FREM1: variants seen among roughly 807,000 people sequenced by gnomAD.
The protein encoded by FREM1 is FRAS1 related extracellular matrix 1.
A neutral mutation model predicts 210.1 loss-of-function variants in FREM1; 220 were observed. The ratio of observed to expected loss-of-function variants is 1.05; its 90% CI spans 0.94 to 1.17. The LOEUF is 1.17. Among genes scored for constraint, FREM1 ranks in the 50% most tolerant of loss-of-function variants. The pLI is 0.00. For synonymous variants in FREM1, 1,189 were observed against 980.2 expected, an observed-to-expected ratio of 1.21 and a Z score of -3.98; for missense variants, 3,454 against 2,675.5, an observed-to-expected ratio of 1.29 and a Z score of -6.42.
At chr9:14,800,517 A>G (rs1817068027) in intron 20 of FREM1, among the ~76,000 whole-genome samples, 1 of 152,248 alleles carries the variant, frequency 6.6e-6, no homozygotes, top group Non-Finnish European at 1.5e-5. Context: ...TTATCCCCTC[A>G]GAAAATAATG....
intron 6 of FREM1, 23 bp from the exon 7 acceptor site, chr9:14,848,796 G>T: frequency 7.0e-7 from 1 of 1,426,726 alleles, no homozygotes; most frequent in Non-Finnish European, 9.9e-7. Context: ...AGAGGCAAAG[G>T]AGCCACACAC....
intron 1 of FREM1, among the ~76,000 whole-genome samples, chr9:14,883,483 C>T (rs1200622459): frequency 1.3e-5 from 2 of 152,048 alleles, no homozygotes; most frequent in African/African-American, 4.8e-5. Context: ...AAATACTGCT[C>T]TTATTTTTGG....
intron 24 of FREM1, among the ~76,000 whole-genome samples, chr9:14,776,735 A>G (rs576893720): frequency 6.6e-6 from 1 of 152,208 alleles, no homozygotes. Flanking sequence ...TTAATAGCAG[A>G]TCACATTTCT....
In FREM1 at chr9:14,824,123, GA is replaced by G. The variant is rs1392341491; in HGVS notation, c.2079-9del. On this transcript the variant is annotated splice_polypyrimidine_tract_variant and intron_variant, in intron 11 of 36. Coordinates refer to ENST00000380880, the MANE Select transcript of FREM1 (RefSeq NM_001379081.2). ...TTCCCAGCATCCAAGTGTCTAAAGA[GA>G]AATACAGAGGAGCACATCAGCTCAT... The G allele has an allele frequency of 5.2e-6, 8 of 1,533,090 alleles. No homozygotes were observed. The highest frequency in any genetic ancestry group is 7.1e-6 in the Non-Finnish European group (8 of 1,123,162). The allele number at this position is 1,533,090 out of a possible 1,614,324, so 95.0% of individuals were successfully genotyped here. A position where few individuals can be genotyped will look rare whatever the true frequency, so the allele number is the denominator to read the frequency against.
chr9:14,794,667 G>C (rs976371866), intron 21 of FREM1, among the ~76,000 whole-genome samples: 1 of 152,174 alleles, frequency 6.6e-6, no homozygotes, highest in African/African-American at 2.4e-5. Flanking sequence ...AGATTTGGCG[G>C]GAAAGCCAAG....
intron 1 of FREM1, among the ~76,000 whole-genome samples, chr9:14,886,261 T>C (rs1372229492): frequency 6.6e-6 from 1 of 151,532 alleles, no homozygotes; most frequent in African/African-American, 2.4e-5. Context: ...GGCACACGCC[T>C]GTAAATCCCA....
At chr9:14,757,881 G>A (rs972888478) in intron 28 of FREM1, among the ~76,000 whole-genome samples, 42 of 152,270 alleles carry the variant, frequency 2.8e-4, no homozygotes, top group Admixed American at 1.4e-3. Context: ...CAATGCCAAG[G>A]CTCCTCTGGA....
At chr9:14,847,158 C>T (rs1231558598) in intron 7 of FREM1, among the ~76,000 whole-genome samples, 2 of 152,156 alleles carry the variant, frequency 1.3e-5, no homozygotes, top group African/African-American at 4.8e-5. Context: ...GACCTTTTCC[C>T]AACCCCACTT....
intron 1 of FREM1, among the ~76,000 whole-genome samples, chr9:14,902,649 C>A (rs1253953166): frequency 6.6e-6 from 1 of 152,282 alleles, no homozygotes; most frequent in East Asian, 1.9e-4. Context: ...GTCAAATCAG[C>A]ACCACAGAGG....
rs1027818054 is a variant in FREM1 at position 14,779,480 on chromosome 9, C to T, written c.4443-3277G>A. 5 of 985,198 alleles carry T rather than the reference C, an allele frequency of 5.1e-6. No homozygotes were observed. The African/African-American group carries it at 8.7e-5, about 17-fold the overall frequency. 61.0% of individuals were successfully genotyped at this position (985,198 alleles called of 1,614,324 possible). A position where few individuals can be genotyped will look rare whatever the true frequency, so the allele number is the denominator to read the frequency against. ...CAAGCTTGAGTGAGTGCCAGGGACTCCATCAGAGGCGGCCATCTTGAATAT... is the reference window on the plus strand; with the variant it reads ...CAAGCTTGAGTGAGTGCCAGGGACTTCATCAGAGGCGGCCATCTTGAATAT... On this transcript the variant is annotated intron_variant, in intron 24 of 36. Coordinates refer to ENST00000380880, the MANE Select transcript of FREM1 (RefSeq NM_001379081.2).
At chr9:14,871,716 T>C (rs1283621414) in intron 1 of FREM1, among the ~76,000 whole-genome samples, 3 of 152,228 alleles carry the variant, frequency 2.0e-5, no homozygotes, top group African/African-American at 7.2e-5. Context: ...GTTTTAGACA[T>C]GAAGTCCTTG....
In FREM1 at chr9:14,797,582, T is replaced by C. The variant is rs1474460164; in HGVS notation, c.3755A>G (p.Gln1252Arg). The C allele has an allele frequency of 4.3e-6, 7 of 1,612,234 alleles. No individual in the cohort carries two copies. The African/African-American group carries it at 8.0e-5, about 18-fold the overall frequency. The change falls in exon 21 of 37, where the codon CAA (glutamine) becomes CGA (arginine). Residue 1252 changes from glutamine (Q) to arginine (R), a missense_variant. Physicochemically the swap from Gln to Arg is conservative, Grantham distance 43. Transcript: ENST00000380880. ...TATCTTATGTTTCCCATCTGACAAT[T>C]GGATTGTAAAATCATCAGCAAGGCT... Reference protein sequence around the residue: ...SESLADDFTIQLSDGKHKILK... With the variant: ...SESLADDFTIRLSDGKHKILK...
Position 14,792,825 on chromosome 9 carries a change from G to C in FREM1, c.3899C>G (p.Ser1300Ter). The C allele has an allele frequency of 6.2e-7, 1 of 1,602,918 alleles. No individual in the cohort carries two copies. Among genetic ancestry groups the C allele is most frequent in the Non-Finnish European group, 8.5e-7 (1 of 1,173,446 alleles). Reference sequence around the variant, plus strand: ...CCTGGGTGAGTCTTCATCTATGGCTGAAAGAATAGCACTGGAAATAATACG... The same window carrying C: ...CCTGGGTGAGTCTTCATCTATGGCTCAAAGAATAGCACTGGAAATAATACG... Reference protein sequence around the residue: ...ETRIISSAILSAIDEDSPREK... With the variant: ...ETRIISSAIL The change falls in exon 22 of 37, where the codon TCA (serine) becomes TGA (stop). Residue 1300 changes from serine (S) to a stop codon, truncating the protein, a stop_gained. Transcript: ENST00000380880. LOFTEE classifies it high-confidence loss of function.
intron 29 of FREM1, among the ~76,000 whole-genome samples, chr9:14,755,972 T>C (rs574539728): frequency 9.2e-5 from 14 of 152,354 alleles, no homozygotes; most frequent in Non-Finnish European, 1.3e-4. Flanking sequence ...TGAGGGATCA[T>C]TTAGAAATGC....
rs185799215 is a variant in FREM1, at chr9:14,907,817, C to T, written c.-268+2097G>A. Among the ~76,000 whole-genome samples the T allele has an allele frequency of 3.6e-3, 542 of 152,260 alleles. 2 individuals are homozygous for T. The highest frequency in any genetic ancestry group is 5.3e-3 in the Non-Finnish European group (363 of 68,004). The stretch of plus-strand genomic sequence containing the variant: ...CTGTGTTTAGAAGACTGAGTCATAT[C>T]CATCAATGTCAGAATATCAGAGCTA... On this transcript the variant is annotated intron_variant, in intron 1 of 36. Transcript: ENST00000380880.
At chr9:14,863,106 C>G (rs757381092) in intron 3 of FREM1, among the ~76,000 whole-genome samples, 1 of 151,914 alleles carries the variant, frequency 6.6e-6, no homozygotes, top group African/African-American at 2.4e-5. Flanking sequence ...CTTTGGGAGG[C>G]GGAGACAGGC....
At position 14,857,696 on chromosome 9, in the gene FREM1, T is replaced by C. The variant is rs1445818142; in HGVS notation, c.685A>G (p.Lys229Glu). ...CAGCTCACTTTGAGGCTTCCTATTT[T>C]CTTTAATCCTGGGGTACAGCTCCCA... ...PGGSCTPGLK[K>E]IGSLKVSCEE... Residue 229 changes from lysine to glutamate, a missense_variant, in exon 5 of 37, where the codon AAA becomes GAA. By Grantham distance (56) the Lys-to-Glu change is moderately conservative. Coordinates refer to ENST00000380880, the MANE Select transcript of FREM1 (RefSeq NM_001379081.2). The C allele has an allele frequency of 6.2e-7, 1 of 1,613,810 alleles. No homozygotes were observed. Among genetic ancestry groups the C allele is most frequent in the South Asian group, 1.1e-5 (1 of 91,054 alleles).
At chr9:14,778,184 C>G (rs1563905848) in intron 24 of FREM1, among the ~76,000 whole-genome samples, 2 of 152,074 alleles carry the variant, frequency 1.3e-5, no homozygotes, top group African/African-American at 4.8e-5. Flanking sequence ...TGAGCAAAAT[C>G]ACATAATTTT....
At position 14,812,861 on chromosome 9, in the gene FREM1, C is replaced by G. The variant is rs376473065; in HGVS notation, c.2844G>C (p.Gln948His). The change falls in exon 16 of 37, where the codon CAG becomes CAC. Residue 948 changes from glutamine (Q) to histidine (H), a missense_variant. Coordinates refer to ENST00000380880, the MANE Select transcript of FREM1 (RefSeq NM_001379081.2). ...CTGAGATAACATCTCTCTGAGAGAA[C>G]TGATCCACTGTGACTCCAGCTCTCC... ...VVRRAGVTVDQFSQRDVISEA... is the reference protein window; with the variant it reads ...VVRRAGVTVDHFSQRDVISEA... 8 of 1,613,688 alleles carry G rather than the reference C, an allele frequency of 5.0e-6. No individual in the cohort carries two copies. The highest frequency in any genetic ancestry group is 1.7e-5 in the Admixed American group (1 of 59,996).
Sources: allele counts gnomAD v4.1 joint callset (sites outside exome capture counted in the v4.1 genomes callset), GRCh38; gene constraint gnomAD v4.1.1; transcripts MANE v1.5; gene names NCBI Gene and HGNC (gene_info 2026-07-23, HGNC 2026-07-21).